PCGF3: variants seen among roughly 807,000 people sequenced by gnomAD.
The protein encoded by PCGF3 is polycomb group ring finger 3.
PCGF3 carries 7 observed loss-of-function variants against 33.1 expected under a neutral mutation model. The ratio of observed to expected loss-of-function variants is 0.21; its 90% confidence interval spans 0.12 to 0.40. The LOEUF (loss-of-function observed/expected upper bound fraction) is 0.40, where lower values mean the gene tolerates loss of function less well. Ranked by LOEUF, PCGF3 falls within the 10% of genes least tolerant of loss-of-function variation. The pLI is 1.00. For missense variants in PCGF3, 211 were observed against 313.3 expected, an observed-to-expected ratio of 0.67 and a Z score of 2.46; for synonymous variants, 153 against 121.3, an observed-to-expected ratio of 1.26 and a Z score of -1.72.
At chr4:760,432 C>G (rs57391721) in intron 8 of PCGF3, among the ~76,000 whole-genome samples, 11,340 of 100,830 alleles carry the variant, frequency 0.11, 495 homozygotes, top group South Asian at 0.19. Context: ...GTTCAGCCAT[C>G]CACTGAGATG....
At chr4:733,579 A>G in intron 3 of PCGF3, 93 bp from the exon 4 acceptor site, 1 of 1,341,682 alleles carries the variant, frequency 7.5e-7, no homozygotes, top group Middle Eastern at 1.9e-4. Flanking sequence ...CAGGGCCTGC[A>G]CTGTCCTCCC....
chr4:720,588 G>T lies in PCGF3; in HGVS notation c.-189-10042G>T, dbSNP rs916097956. ...CGTGAACAGGACCCCACGTGGACGG[G>T]CAGTGACGTGCGTGTGGACCCGGGG... On this transcript the variant is annotated intron_variant, in intron 1 of 10. Coordinates refer to ENST00000362003, the Ensembl canonical transcript of PCGF3. The surrounding 1 kb of genome is among the most constrained non-coding windows in gnomAD (Gnocchi z 5.6). 7.3e-5 allele frequency among the ~76,000 whole-genome samples: 11 copies of T among 150,390 alleles called. No individual in the cohort carries two copies. The highest frequency in any genetic ancestry group is 2.1e-4 in the South Asian group (1 of 4,726).
rs898849308 is a variant in PCGF3, at chr4:720,689, G to T, written c.-189-9941G>T. 6.7e-6 allele frequency among the ~76,000 whole-genome samples: 1 copy of T among 149,422 alleles called. No individual in the cohort carries two copies. Among genetic ancestry groups the T allele is most frequent in the African/African-American group, 2.5e-5 (1 of 40,188 alleles). On this transcript the variant is annotated intron_variant, in intron 1 of 10. Coordinates refer to ENST00000362003, the Ensembl canonical transcript of PCGF3. The surrounding 1 kb of genome is among the most constrained non-coding windows in gnomAD (Gnocchi z 5.6). The stretch of plus-strand genomic sequence containing the variant: ...GCGTGTGGACCCGGGGTGGACGGGC[G>T]GTGACGTGCGTGTGGACCCGGCGTG...
intron 1 of PCGF3, among the ~76,000 whole-genome samples, chr4:728,481 G>A (rs548587444): frequency 7.9e-5 from 12 of 152,038 alleles, no homozygotes; most frequent in African/African-American, 1.9e-4. Flanking sequence ...CGTAGAGCGC[G>A]TTGGGGGGCA....
chr4:753,434 C>T (rs1301008329), intron 8 of PCGF3, among the ~76,000 whole-genome samples: 4 of 151,522 alleles, frequency 2.6e-5, no homozygotes, highest in Non-Finnish European at 5.9e-5. Flanking sequence ...GCAGGCGGAT[C>T]ACAAGGTCAG....
chr4:721,043 G>T lies in PCGF3; in HGVS notation c.-189-9587G>T, dbSNP rs1743057129. Among the ~76,000 whole-genome samples, 1 of 152,086 alleles carries T rather than the reference G, an allele frequency of 6.6e-6. No individual in the cohort carries two copies. Among genetic ancestry groups the T allele is most frequent in the East Asian group, 1.9e-4 (1 of 5,170 alleles). Reference sequence around the variant, plus strand: ...TCAGATGGGAGGCATGGAGCAGACGGGACTCCACGTGGCACCACCCCTCCC... The same window carrying T: ...TCAGATGGGAGGCATGGAGCAGACGTGACTCCACGTGGCACCACCCCTCCC... On this transcript the variant is annotated intron_variant, in intron 1 of 10. Coordinates refer to ENST00000362003, the Ensembl canonical transcript of PCGF3. This position sits in a 1 kb window ranked among gnomAD's most constrained non-coding sequence, Gnocchi z 4.1.
At chr4:752,301 C>G (rs949242941) in intron 8 of PCGF3, among the ~76,000 whole-genome samples, 16 of 152,244 alleles carry the variant, frequency 1.1e-4, no homozygotes, top group Non-Finnish European at 2.2e-4. Context: ...CCATTCCTTT[C>G]ACAGCCAGAA....
chr4:734,731 G>GCTTTTAAA (rs1265169887), intron 4 of PCGF3, 200 bp from the exon 5 acceptor site: 1 of 1,360,842 alleles, frequency 7.3e-7, no homozygotes. Flanking sequence ...CCCATTGACG[G>GCTTTTAAA]GGCAATTAAA....
Position 743,697 on chromosome 4 carries a change from TG to T in PCGF3, c.373+118del, listed in dbSNP as rs201133887. 1.9e-3 allele frequency: 1,253 copies of T among 653,900 alleles called. 10 individuals carry two copies. The African/African-American group carries it at 0.021, about 11-fold the overall frequency. The allele number at this position is 653,900 out of a possible 1,614,324, so 40.5% of individuals were successfully genotyped here. ...TCCCACACGCACTCACGGGAGAACG[TG>T]GGGGAACCTGAGGGTGTGGGGCGGT... On this transcript the variant is annotated intron_variant, in intron 7 of 10. Transcript: ENST00000362003.
rs183762258 is a variant in PCGF3, at chr4:712,421, G to A, written c.-190+6451G>A. On this transcript the variant is annotated intron_variant, in intron 1 of 10. Transcript: ENST00000362003. ...TTTTTTAAGATAAACTCTAATATTC[G>A]TGTTTGTTTGTTTGTTTTTGTTTTT... 5.9e-5 allele frequency among the ~76,000 whole-genome samples: 9 copies of A among 152,088 alleles called. 1 individual carries two copies. The highest frequency in any genetic ancestry group is 3.9e-4 in the East Asian group (2 of 5,190).
In PCGF3 at chr4:733,548, A is replaced by G. The variant is rs1743705897; in HGVS notation, c.-9-124A>G. On this transcript the variant is annotated intron_variant, in intron 3 of 10. Transcript: ENST00000362003. ...GAGCCTGGGACCCCGTGAGCCCAAG[A>G]GGCTCCTGCCACCCAGGCCTCAGGG... The G allele has an allele frequency of 1.1e-5, 10 of 924,846 alleles. No homozygotes were observed. The South Asian group carries it at 1.5e-4, about 14-fold the overall frequency. The allele number at this position is 924,846 out of a possible 1,614,324, so 57.3% of individuals were successfully genotyped here. A position where few individuals can be genotyped will look rare whatever the true frequency, so the allele number is the denominator to read the frequency against.
intron 7 of PCGF3, among the ~76,000 whole-genome samples, chr4:744,295 C>A (rs575513563): frequency 6.6e-6 from 1 of 152,238 alleles, no homozygotes; most frequent in Admixed American, 6.5e-5. Flanking sequence ...TGAGCAGCTC[C>A]GGGCGGGCCT....
At chr4:761,793 G>A (rs922610892) in intron 9 of PCGF3, 16 of 985,326 alleles carry the variant, frequency 1.6e-5, no homozygotes, top group East Asian at 2.3e-4. Flanking sequence ...AGGAGACGAA[G>A]GAGTGCTGGC....
intron 1 of PCGF3, among the ~76,000 whole-genome samples, chr4:718,054 G>A (rs868448095): frequency 6.6e-5 from 10 of 152,334 alleles, no homozygotes; most frequent in Non-Finnish European, 1.0e-4. Context: ...TTTCTAGGGG[G>A]GCCCAGTGTG....
At chr4:761,475 C>T in intron 9 of PCGF3, 59 bp downstream of exon 9, 2 of 1,474,652 alleles carry the variant, frequency 1.4e-6, no homozygotes, top group South Asian at 2.6e-5. Context: ...CTAAAGGTAA[C>T]TCCAAGATTC....
At chr4:729,244 G>A (rs1267654575) in intron 1 of PCGF3, among the ~76,000 whole-genome samples, 2 of 151,212 alleles carry the variant, frequency 1.3e-5, no homozygotes, top group African/African-American at 2.4e-5. Context: ...CTGAGACCCT[G>A]TCTCTACTAA....
intron 1 of PCGF3, among the ~76,000 whole-genome samples, chr4:719,484 T>C (rs1364740479): frequency 2.0e-5 from 3 of 152,192 alleles, no homozygotes; most frequent in Non-Finnish European, 4.4e-5. Flanking sequence ...TGTCTGTTCC[T>C]CCCTGGCTGC....
At chr4:761,256 C>G in intron 8 of PCGF3, 23 bp from the exon 9 acceptor site, 3 of 1,558,236 alleles carry the variant, frequency 1.9e-6, no homozygotes, top group South Asian at 1.2e-5. Context: ...CTGCTGCGCT[C>G]TCACCAGCGT....
intron 8 of PCGF3, 101 bp from the exon 9 acceptor site, chr4:761,178 C>A: frequency 1.1e-6 from 1 of 886,284 alleles, no homozygotes; most frequent in Non-Finnish European, 1.6e-6. Context: ...AAAAGGTCAG[C>A]AGTCCTAGAT....
Sources: gnomAD v4.1 joint callset for allele counts (sites outside exome capture counted in the v4.1 genomes callset) on GRCh38, gnomAD v4.1.1 for gene constraint, Gnocchi (gnomAD v3.1) non-coding constraint, MANE v1.5 for transcripts, NCBI Gene and HGNC (gene_info 2026-07-23, HGNC 2026-07-21) for gene names.